Variants in APBB1 observed in about 807,000 individuals in gnomAD.
The protein encoded by APBB1 is adaptor protein FE65a2.
A neutral mutation model predicts 78.4 loss-of-function variants in APBB1; 22 were observed. The ratio of observed to expected loss-of-function variants is 0.28; its 90% CI spans 0.20 to 0.40. APBB1 has a LOEUF of 0.40. APBB1 is among the 10% of genes least tolerant of loss of function. The pLI is 1.00. For synonymous variants in APBB1, 369 were observed against 372.7 expected, an observed-to-expected ratio of 0.99 and a Z score of 0.12; for missense variants, 749 against 932.4, an observed-to-expected ratio of 0.80 and a Z score of 2.56.
intron 1 of APBB1, among the ~76,000 whole-genome samples, chr11:6,416,023 C>T (rs1311791530): frequency 6.6e-6 from 1 of 152,144 alleles, no homozygotes; most frequent in African/African-American, 2.4e-5. Context: ...CTTTCCAAAC[C>T]TGCTTCCACT....
At position 6,396,129 on chromosome 11, in the gene APBB1, G is replaced by A. The variant is rs756136978; in HGVS notation, c.1759C>T (p.Pro587Ser). The change falls in exon 13 of 15, where the codon CCT becomes TCT. Residue 587 changes from proline (P) to serine (S), a missense_variant. Around this residue, in one of 3 missense-constraint regions of APBB1, gnomAD observed 635 missense variants for 765.0 expected, o/e 0.83. Transcript: ENST00000609360. ...QWTPSHVSVA[P>S]ATLTILHQQT... ...TGGTGCAAGATGGTGAGGGTAGCAG[G>A]GGCCACACTGACATGACTTGGGGTC... The A allele has an allele frequency of 1.9e-6, 3 of 1,556,356 alleles. No individual in the cohort carries two copies. The highest frequency in any genetic ancestry group is 1.4e-5 in the African/African-American group (1 of 73,208).
Position 6,401,586 on chromosome 11 carries a change from C to G in APBB1, c.1491G>C (p.Glu497Asp). ...GAGGGGGCCGTGCCTTAGAGCAGATCTCATGCAGGCTGGTGGCGATGTTCT... is the reference window on the plus strand; with the variant it reads ...GAGGGGGCCGTGCCTTAGAGCAGATGTCATGCAGGCTGGTGGCGATGTTCT... ...PAKNIATSLH[E>D]ICSKIMAERR... The change falls in exon 10 of 15, where the codon GAG becomes GAC. Residue 497 changes from glutamate (E) to aspartate (D), a missense_variant. Glu to Asp is a conservative substitution (Grantham distance 45). Transcript: ENST00000609360. The surrounding 1 kb of genome is among the most constrained non-coding windows in gnomAD (Gnocchi z 4.5). 2 of 1,614,184 alleles carry G rather than the reference C, an allele frequency of 1.2e-6. No homozygotes were observed. The highest frequency in any genetic ancestry group is 1.7e-6 in the Non-Finnish European group (2 of 1,180,040).
Position 6,402,648 on chromosome 11 carries a change from G to T in APBB1, c.1182C>A (p.Val394=). The change falls in exon 7 of 15, where the codon GTC becomes GTA. Residue 394 remains valine (V), a synonymous_variant. Transcript: ENST00000609360. ...AAGAGAGCTGACGGATGCAATTGTT[G>T]ACTGCCACACTGCTGCGTCCAGGGG... ...ELAPGRSSVA[V]NNCIRQLSYH... The T allele has an allele frequency of 6.2e-7, 1 of 1,614,122 alleles. No individual in the cohort carries two copies. Among genetic ancestry groups the T allele is most frequent in the South Asian group, 1.1e-5 (1 of 91,080 alleles).
chr11:6,418,904 G>A, intron 1 of APBB1, 81 bp downstream of exon 1: 1 of 372,044 alleles, frequency 2.7e-6, no homozygotes, highest in Non-Finnish European at 4.8e-6. Context: ...GCTGCCGCAG[G>A]GTAGGGGCTA....
At chr11:6,417,804 C>T (rs570002234) in intron 1 of APBB1, among the ~76,000 whole-genome samples, 1 of 152,320 alleles carries the variant, frequency 6.6e-6, no homozygotes, top group East Asian at 1.9e-4. Context: ...GCTCATGACT[C>T]CAGATTGGCA....
chr11:6,405,186 A>C, intron 2 of APBB1: 1 of 1,130,210 alleles, frequency 8.8e-7, no homozygotes, highest in South Asian at 2.9e-5. Context: ...TCAGCCCCTA[A>C]GGAATACCCC....
chr11:6,401,386 A>G lies in APBB1; in HGVS notation c.1547T>C (p.Leu516Pro). 2 of 1,613,930 alleles carry G rather than the reference A, an allele frequency of 1.2e-6. No individual in the cohort carries two copies. Among genetic ancestry groups the G allele is most frequent in the Non-Finnish European group, 1.7e-6 (2 of 1,179,952 alleles). Residue 516 changes from leucine to proline, a missense_variant, in exon 11 of 15, where the codon CTC becomes CCC. Physicochemically the swap from Leu to Pro is moderately conservative, Grantham distance 98. Transcript: ENST00000609360. This position sits in a 1 kb window ranked among gnomAD's most constrained non-coding sequence, Gnocchi z 4.5. ...CACAAGTTTAGAGTGGTCCAGGGAG[A>G]GTCCATTTACCAAGCAGCGGGCATT... is the stretch of plus-strand genomic sequence containing the variant. ...RRNARCLVNGLSLDHSKLVDV... is the reference protein window; with the variant it reads ...RRNARCLVNGPSLDHSKLVDV...
upstream of APBB1, chr11:6,419,259 G>A (rs1340532458): frequency 3.5e-6 from 1 of 288,396 alleles, no homozygotes. Flanking sequence ...CCGCGGTCCA[G>A]CCCTCCCAGC....
intron 1 of APBB1, among the ~76,000 whole-genome samples, chr11:6,416,683 T>C (rs749543534): frequency 1.4e-4 from 22 of 152,184 alleles, no homozygotes; most frequent in Non-Finnish European, 3.2e-4. Flanking sequence ...GAAAAATTTC[T>C]GGACTTCATC....
At chr11:6,405,559 C>A in intron 2 of APBB1, 1 of 986,000 alleles carries the variant, frequency 1.0e-6, no homozygotes, top group Non-Finnish European at 1.2e-6. Context: ...TGCTGGGCAA[C>A]CAGACACAGC....
intron 2 of APBB1, 65 bp downstream of exon 2, chr11:6,410,562 G>C (rs1007667588): frequency 7.0e-7 from 1 of 1,420,380 alleles, no homozygotes; most frequent in Non-Finnish European, 9.5e-7. Context: ...ACTGGCCTCT[G>C]TATGAGAGTC....
chr11:6,407,811 C>T (rs566613410), intron 2 of APBB1, among the ~76,000 whole-genome samples: 2 of 144,726 alleles, frequency 1.4e-5, no homozygotes, highest in South Asian at 2.1e-4. Context: ...CTCGCTCTGT[C>T]GCCCGGGCCG....
chr11:6,416,745 C>G (rs1849127409), intron 1 of APBB1, among the ~76,000 whole-genome samples: 1 of 142,936 alleles, frequency 7.0e-6, no homozygotes, highest in South Asian at 2.2e-4. Context: ...ACAAAATTCC[C>G]TTTTTTTTTT....
chr11:6,407,064 T>C (rs144602314), intron 2 of APBB1, among the ~76,000 whole-genome samples: 111 of 152,372 alleles, frequency 7.3e-4, no homozygotes, highest in African/African-American at 2.4e-3. Flanking sequence ...ATTCAATCCA[T>C]AGCTCTATGA....
chr11:6,410,928 G>C lies in APBB1; in HGVS notation c.420C>G (p.Ser140Arg). The C allele has an allele frequency of 1.2e-6, 2 of 1,614,188 alleles. No individual in the cohort carries two copies. The highest frequency in any genetic ancestry group is 2.7e-5 in the African/African-American group (2 of 75,066). ...CCTCATCTGGCCCCTGCTCTTGAGT[G>C]CTGATGATCAGGCCAGGTCCTCGTA... is the stretch of plus-strand genomic sequence containing the variant. ...RGLRGPGLII[S>R]TQEQGPDEGE... is the part of the protein sequence containing the mutation. The change falls in exon 2 of 15, where the codon AGC becomes AGG. Residue 140 changes from serine to arginine, a missense_variant. Coordinates refer to ENST00000609360, the MANE Select transcript of APBB1 (RefSeq NM_001164.5).
At position 6,403,031 on chromosome 11, in the gene APBB1, C is replaced by G; in HGVS notation, c.1104+114G>C. On this transcript the variant is annotated intron_variant, in intron 6 of 14. Coordinates refer to ENST00000609360, the MANE Select transcript of APBB1 (RefSeq NM_001164.5). The surrounding 1 kb of genome is among the most constrained non-coding windows in gnomAD (Gnocchi z 5.3). The stretch of plus-strand genomic sequence containing the variant: ...GGGCTCTGTGCTGAGACTGGAAGAA[C>G]TCCTAACTCAGGACCTGGGGAACTG... 9.4e-7 allele frequency: 1 copy of G among 1,060,158 alleles called. No individual in the cohort carries two copies. 65.7% of individuals were successfully genotyped at this position (1,060,158 alleles called of 1,614,324 possible).
chr11:6,402,426 G>T, intron 7 of APBB1, 150 bp downstream of exon 7: 2 of 1,106,962 alleles, frequency 1.8e-6, no homozygotes, highest in Admixed American at 2.3e-5. Flanking sequence ...CCTGGCCTGG[G>T]GTCGCTCATC....
Position 6,403,671 on chromosome 11 carries a change from C to T in APBB1, c.873G>A (p.Gly291=), listed in dbSNP as rs772836414. 2 of 1,608,536 alleles carry T rather than the reference C, an allele frequency of 1.2e-6. No homozygotes were observed. Among genetic ancestry groups the T allele is most frequent in the Non-Finnish European group, 1.7e-6 (2 of 1,176,726 alleles). ...CCTGGGACTCCTCTTGGGGGCTGCTCCCCTGTGAGGGGGAGGCCCGGCCGG... is the reference window on the plus strand; with the variant it reads ...CCTGGGACTCCTCTTGGGGGCTGCTTCCCTGTGAGGGGGAGGCCCGGCCGG... ...EPPGRASPSQ[G]SSPQEESQLT... is the part of the protein sequence containing the mutation. The change falls in exon 3 of 15, where the codon GGG becomes GGA. Residue 291 remains glycine, a synonymous_variant. Coordinates refer to ENST00000609360, the MANE Select transcript of APBB1 (RefSeq NM_001164.5). This position sits in a 1 kb window ranked among gnomAD's most constrained non-coding sequence, Gnocchi z 5.3.
chr11:6,402,560 C>T lies in APBB1; in HGVS notation c.1254+16G>A, dbSNP rs544732602. On this transcript the variant is annotated intron_variant, in intron 7 of 14. Coordinates refer to ENST00000609360, the MANE Select transcript of APBB1 (RefSeq NM_001164.5). ...CTCTCACAGTACCACCCCCTACCCC[C>T]GGCTCAGGTCCTTACTTCCCCCCAG... 8.7e-5 allele frequency: 141 copies of T among 1,612,790 alleles called. 1 individual carries two copies. The highest frequency in any genetic ancestry group is 1.7e-4 in the Middle Eastern group (1 of 6,058).
Sources: gnomAD v4.1 joint callset for allele counts (sites outside exome capture counted in the v4.1 genomes callset) on GRCh38, gnomAD v4.1.1 for gene constraint, gnomAD v4.1.1 regional missense constraint, Gnocchi (gnomAD v3.1) non-coding constraint, MANE v1.5 for transcripts, NCBI Gene and HGNC (gene_info 2026-07-23, HGNC 2026-07-21) for gene names.